The following PABPC4L variants were observed in gnomAD, a reference collection of about 807,000 sequenced individuals.
The protein encoded by PABPC4L is polyadenylate-binding protein 4-like.
For synonymous variants in PABPC4L, 169 were observed against 164.1 expected, an observed-to-expected ratio of 1.03 and a Z score of -0.23; for missense variants, 452 against 451.4, an observed-to-expected ratio of 1.00 and a Z score of -0.01.
chr4:134,084,547 A>G, the PABPC4L span, among the ~76,000 whole-genome samples: 1 of 152,124 alleles, frequency 6.6e-6, no homozygotes, highest in Admixed American at 6.6e-5. Context: ...TAGAAGTGAC[A>G]TTATATGCAA....
the PABPC4L span, among the ~76,000 whole-genome samples, chr4:134,000,900 G>T: frequency 6.6e-6 from 1 of 151,924 alleles, no homozygotes; most frequent in East Asian, 1.9e-4. Context: ...GGTTTTCCTG[G>T]GTCTCCAGCT....
the PABPC4L span, among the ~76,000 whole-genome samples, chr4:134,028,064 C>T: frequency 6.6e-6 from 1 of 151,014 alleles, no homozygotes; most frequent in Admixed American, 6.6e-5. Flanking sequence ...AGTGCTGTCA[C>T]CAGACCAGCA....
At chr4:134,055,845 A>T in the PABPC4L span, among the ~76,000 whole-genome samples, 9 of 152,068 alleles carry the variant, frequency 5.9e-5, no homozygotes, top group African/African-American at 1.7e-4. Flanking sequence ...AATTCATCAA[A>T]TTTTTTGTAT....
the PABPC4L span, among the ~76,000 whole-genome samples, chr4:133,951,789 T>C: frequency 6.6e-6 from 1 of 152,148 alleles, no homozygotes; most frequent in Non-Finnish European, 1.5e-5. Flanking sequence ...ATTAAGTTAC[T>C]AGAAGGGTCA....
At chr4:134,013,537 G>T in the PABPC4L span, among the ~76,000 whole-genome samples, 2 of 151,940 alleles carry the variant, frequency 1.3e-5, no homozygotes, top group South Asian at 4.1e-4. Context: ...GATGCCACTT[G>T]ACCCCAATAC....
At chr4:134,129,847 A>T in the PABPC4L span, among the ~76,000 whole-genome samples, 3 of 151,918 alleles carry the variant, frequency 2.0e-5, no homozygotes, top group South Asian at 6.2e-4. Flanking sequence ...GGCGGGGGAA[A>T]TCACGAGGTC....
the PABPC4L span, among the ~76,000 whole-genome samples, chr4:133,954,277 G>A: frequency 6.6e-6 from 1 of 152,118 alleles, no homozygotes; most frequent in Admixed American, 6.6e-5. Flanking sequence ...ATGGGTGAGC[G>A]CTCTTTACTA....
the PABPC4L span, among the ~76,000 whole-genome samples, chr4:134,101,836 T>A: frequency 1.3e-5 from 2 of 151,530 alleles, no homozygotes; most frequent in African/African-American, 4.8e-5. Flanking sequence ...GCATCTATCA[T>A]AGCTAAAAAT....
At chr4:134,124,889 G>C in the PABPC4L span, among the ~76,000 whole-genome samples, 2 of 152,004 alleles carry the variant, frequency 1.3e-5, no homozygotes, top group South Asian at 2.1e-4. Context: ...TGATAGTGAA[G>C]GGCTGTTTTT....
chr4:133,957,493 C>T, the PABPC4L span, among the ~76,000 whole-genome samples: 2 of 152,152 alleles, frequency 1.3e-5, no homozygotes, highest in Admixed American at 1.3e-4. Flanking sequence ...TGCAGCTTTT[C>T]CAGGAATATG....
chr4:134,054,385 G>A, the PABPC4L span, among the ~76,000 whole-genome samples: 1 of 149,672 alleles, frequency 6.7e-6, no homozygotes, highest in African/African-American at 2.5e-5. Flanking sequence ...GTATAATAGA[G>A]ATCCCTTGTA....
the PABPC4L span, among the ~76,000 whole-genome samples, chr4:134,134,473 T>G: frequency 6.6e-6 from 1 of 151,922 alleles, no homozygotes; most frequent in African/African-American, 2.4e-5. Flanking sequence ...AAGGACTTTT[T>G]ACTAAACAAA....
At chr4:134,012,315 A>G in the PABPC4L span, among the ~76,000 whole-genome samples, 11 of 152,044 alleles carry the variant, frequency 7.2e-5, no homozygotes, top group Non-Finnish European at 1.3e-4. Context: ...TCCACCACAA[A>G]AGAAGTGAAA....
the PABPC4L span, among the ~76,000 whole-genome samples, chr4:134,102,149 C>A: frequency 9.9e-5 from 15 of 151,410 alleles, no homozygotes; most frequent in Admixed American, 8.6e-4. Context: ...CATAAATTGA[C>A]AAACACTATG....
the PABPC4L span, among the ~76,000 whole-genome samples, chr4:133,996,706 G>A: frequency 3.3e-5 from 5 of 152,070 alleles, no homozygotes; most frequent in Admixed American, 2.6e-4. Flanking sequence ...GAAGTATGCC[G>A]ACACAGGTAT....
At chr4:134,018,136 C>CTCCTGGCTCA in the PABPC4L span, among the ~76,000 whole-genome samples, 5 of 152,046 alleles carry the variant, frequency 3.3e-5, no homozygotes, top group Non-Finnish European at 7.4e-5. Context: ...GAAATTCCTT[C>CTCCTGGCTCA]TCCTGGCTCA....
At chr4:134,188,107 T>G in the PABPC4L span, among the ~76,000 whole-genome samples, 1 of 151,890 alleles carries the variant, frequency 6.6e-6, no homozygotes, top group African/African-American at 2.4e-5. Flanking sequence ...CATGTGTGTG[T>G]GTGCAGGGGT....
chr4:134,079,201 A>G, the PABPC4L span, among the ~76,000 whole-genome samples: 1 of 148,122 alleles, frequency 6.8e-6, no homozygotes, highest in Admixed American at 6.7e-5. Context: ...CAAACTCCTG[A>G]CCTCGTGTCC....
the PABPC4L span, among the ~76,000 whole-genome samples, chr4:134,164,228 A>G: frequency 2.4e-5 from 3 of 123,510 alleles, no homozygotes; most frequent in Non-Finnish European, 4.8e-5. Context: ...CCGCCACTGC[A>G]CTCCAGCCTG....
Sources: gnomAD v4.1 joint callset for allele counts (sites outside exome capture counted in the v4.1 genomes callset) on GRCh38, gnomAD v4.1.1 for gene constraint, MANE v1.5 for transcripts, NCBI Gene and HGNC (gene_info 2026-07-23, HGNC 2026-07-21) for gene names.